DNAJB14: variants seen among roughly 807,000 people sequenced by gnomAD.
DNAJB14 encodes the protein DnaJ heat shock protein family (Hsp40) member B14.
DNAJB14 carries 22 observed loss-of-function variants against 48.4 expected under a neutral mutation model. That is an observed-to-expected ratio of 0.45 (90% confidence interval 0.32 to 0.65). DNAJB14 has a LOEUF of 0.65. DNAJB14 is among the 30% of genes least tolerant of loss of function. DNAJB14 has a pLI of 0.03. For missense variants in DNAJB14, 319 were observed against 458.8 expected, an observed-to-expected ratio of 0.70 and a Z score of 2.78; for synonymous variants, 142 against 158.7, an observed-to-expected ratio of 0.89 and a Z score of 0.79.
At chr4:99,913,103 CATAG>C (rs1281507701) in intron 3 of DNAJB14, among the ~76,000 whole-genome samples, 2 of 152,306 alleles carry the variant, frequency 1.3e-5, no homozygotes, top group Non-Finnish European at 2.9e-5. Flanking sequence ...TGGATTTCTA[CATAG>C]ATAATCATGT....
intron 3 of DNAJB14, among the ~76,000 whole-genome samples, chr4:99,910,771 T>C (rs1725630320): frequency 6.6e-6 from 1 of 152,070 alleles, no homozygotes; most frequent in Non-Finnish European, 1.5e-5. Context: ...TATTTTGGTA[T>C]TCATAAGTTT....
chr4:99,946,431 G>A lies in DNAJB14; in HGVS notation c.133+8C>T. 3 of 1,609,020 alleles carry A rather than the reference G, an allele frequency of 1.9e-6. No homozygotes were observed. Among genetic ancestry groups the A allele is most frequent in the South Asian group, 2.2e-5 (2 of 90,306 alleles). Reference sequence around the variant, plus strand: ...TGGGCAGGAAGAGAAGGGACGCTGAGGTCTCACCGCGGGCCGAGGGCAGTG... The same window carrying A: ...TGGGCAGGAAGAGAAGGGACGCTGAAGTCTCACCGCGGGCCGAGGGCAGTG... On this transcript the variant is annotated splice_region_variant and intron_variant, in intron 1 of 7. Coordinates refer to ENST00000442697, the MANE Select transcript of DNAJB14 (RefSeq NM_001031723.4).
chr4:99,924,859 A>C (rs774478019), intron 2 of DNAJB14: 12 of 1,412,886 alleles, frequency 8.5e-6, no homozygotes, highest in Non-Finnish European at 1.2e-5. Context: ...ACTGCATAAA[A>C]AACTGAATTC....
intron 5 of DNAJB14, 200 bp from the exon 6 acceptor site, chr4:99,905,906 A>G: frequency 3.0e-6 from 4 of 1,330,306 alleles, no homozygotes; most frequent in South Asian, 1.6e-5. Context: ...GATTTGAAAA[A>G]CACTGATAAA....
intron 4 of DNAJB14, 109 bp downstream of exon 4, chr4:99,908,602 C>G: frequency 1.2e-6 from 1 of 839,180 alleles, no homozygotes; most frequent in Non-Finnish European, 1.7e-6. Context: ...AGGATCGTAA[C>G]ACTACAAGAA....
intron 4 of DNAJB14, among the ~76,000 whole-genome samples, chr4:99,908,033 T>C (rs981677306): frequency 6.6e-6 from 1 of 152,174 alleles, no homozygotes; most frequent in African/African-American, 2.4e-5. Flanking sequence ...TTAGTTGTTA[T>C]ACAGAACATT....
intron 3 of DNAJB14, among the ~76,000 whole-genome samples, chr4:99,916,766 GTCA>G (rs1321787859): frequency 6.6e-6 from 1 of 152,032 alleles, no homozygotes; most frequent in East Asian, 1.9e-4. Context: ...ACCCTCTGGT[GTCA>G]TCATTTTGTT....
chr4:99,931,097 T>C (rs990605163), intron 1 of DNAJB14, among the ~76,000 whole-genome samples: 2 of 152,126 alleles, frequency 1.3e-5, no homozygotes, highest in Non-Finnish European at 2.9e-5. Context: ...GTGCACAAGA[T>C]AAAAACATTT....
At chr4:99,915,310 T>C (rs1269420391) in intron 3 of DNAJB14, among the ~76,000 whole-genome samples, 1 of 152,182 alleles carries the variant, frequency 6.6e-6, no homozygotes, top group African/African-American at 2.4e-5. Context: ...GCTACTTTTT[T>C]GTATTTTTAG....
intron 5 of DNAJB14, chr4:99,906,082 T>C (rs1560731468): frequency 7.6e-7 from 1 of 1,315,454 alleles, no homozygotes; most frequent in East Asian, 5.1e-5. Context: ...GTGGCAAAGC[T>C]GGGGGCCAGG....
At chr4:99,910,667 C>G (rs966699138) in intron 3 of DNAJB14, among the ~76,000 whole-genome samples, 2 of 151,648 alleles carry the variant, frequency 1.3e-5, no homozygotes, top group Non-Finnish European at 2.9e-5. Context: ...ATATTGTGGC[C>G]AGAGTAAATT....
intron 2 of DNAJB14, 82 bp from the exon 3 acceptor site, chr4:99,923,267 A>G: frequency 8.4e-7 from 1 of 1,196,332 alleles, no homozygotes; most frequent in African/African-American, 1.6e-5. Flanking sequence ...TTATTAGAAT[A>G]CTATAAAGAA....
intron 6 of DNAJB14, among the ~76,000 whole-genome samples, chr4:99,904,283 A>G (rs1192984775): frequency 6.6e-6 from 1 of 152,170 alleles, no homozygotes; most frequent in Non-Finnish European, 1.5e-5. Flanking sequence ...TCACTGTTAA[A>G]TACTTATATG....
intron 1 of DNAJB14, among the ~76,000 whole-genome samples, chr4:99,944,819 C>T (rs1430959175): frequency 1.3e-5 from 2 of 152,084 alleles, no homozygotes; most frequent in East Asian, 1.9e-4. Context: ...TCAAATGATC[C>T]GCCCGCCTCG....
chr4:99,909,258 CACCCAAT>C lies in DNAJB14; in HGVS notation c.452-369_452-363del, dbSNP rs560384814. 4.0e-3 allele frequency among the ~76,000 whole-genome samples: 601 copies of C among 152,130 alleles called. 7 individuals carry two copies. Among genetic ancestry groups the C allele is most frequent in the African/African-American group, 0.013 (559 of 41,534 alleles). On this transcript the variant is annotated intron_variant, in intron 3 of 7. Coordinates refer to ENST00000442697, the MANE Select transcript of DNAJB14 (RefSeq NM_001031723.4). Reference sequence around the variant, plus strand: ...AGTACCTAAGAACTGCCAGGCTCTGCACCCAATACCTTATTACATTGTCCATTATTAT... The same window carrying C: ...AGTACCTAAGAACTGCCAGGCTCTGCACCTTATTACATTGTCCATTATTAT...
chr4:99,904,130 T>A (rs1368253754), intron 6 of DNAJB14, among the ~76,000 whole-genome samples: 2 of 152,082 alleles, frequency 1.3e-5, no homozygotes, highest in Non-Finnish European at 2.9e-5. Flanking sequence ...ATGTGATGGG[T>A]CACCTTTTAA....
chr4:99,910,789 C>T (rs59768994), intron 3 of DNAJB14, among the ~76,000 whole-genome samples: 5,816 of 151,868 alleles, frequency 0.038, 289 homozygotes, highest in East Asian at 0.24. Context: ...TTTTACAAAA[C>T]GCATTTCTAC....
chr4:99,946,374 G>A, intron 1 of DNAJB14, 65 bp downstream of exon 1: 3 of 1,552,488 alleles, frequency 1.9e-6, no homozygotes, highest in South Asian at 1.2e-5. Flanking sequence ...CCGAGGTGGG[G>A]GCAGGGGCGG....
intron 1 of DNAJB14, among the ~76,000 whole-genome samples, chr4:99,933,116 A>T (rs1351597179): frequency 6.6e-6 from 1 of 152,024 alleles, no homozygotes; most frequent in Non-Finnish European, 1.5e-5. Flanking sequence ...GAAACACTGA[A>T]TGGTATAATT....
Sources: gnomAD v4.1 joint callset for allele counts (sites outside exome capture counted in the v4.1 genomes callset) on GRCh38, gnomAD v4.1.1 for gene constraint, MANE v1.5 for transcripts, NCBI Gene and HGNC (gene_info 2026-07-23, HGNC 2026-07-21) for gene names.